Variants in CADM2 observed in about 807,000 individuals in gnomAD.
CADM2 encodes the protein cell adhesion molecule 2, also known as immunoglobulin superfamily member 4D.
In CADM2, 12 loss-of-function variants were observed where a neutral mutation model predicts 49.8. The observed-to-expected ratio is 0.24, with a 90% CI of 0.15 to 0.39. The LOEUF is 0.39. Ranked by LOEUF, CADM2 falls within the 10% of genes least tolerant of loss-of-function variation. The pLI, the probability that CADM2 is intolerant of heterozygous loss-of-function variation, is 1.00. For missense variants in CADM2, 378 were observed against 492.3 expected (o/e 0.77, Z 2.20); for synonymous variants, 214 against 175.4 (o/e 1.22, Z -1.74).
At chr3:85,793,811 A>G (rs1282361393) in intron 2 of CADM2, among the ~76,000 whole-genome samples, 1 of 152,222 alleles carries the variant, frequency 6.6e-6, no homozygotes, top group Non-Finnish European at 1.5e-5. Flanking sequence ...GTTTAGTCAG[A>G]ATTGAATTTA....
chr3:85,739,303 A>G (rs187361715), intron 2 of CADM2, among the ~76,000 whole-genome samples: 1 of 152,226 alleles, frequency 6.6e-6, no homozygotes, highest in African/African-American at 2.4e-5. Flanking sequence ...AATGTTTCAA[A>G]GTAGATTAGA....
intron 1 of CADM2, among the ~76,000 whole-genome samples, chr3:85,437,538 A>G (rs957450270): frequency 2.0e-5 from 3 of 152,070 alleles, no homozygotes; most frequent in African/African-American, 7.2e-5. Context: ...CTGGATTTTG[A>G]CCACTCTAAG....
chr3:85,248,568 G>T (rs373208677), intron 1 of CADM2, among the ~76,000 whole-genome samples: 1 of 152,058 alleles, frequency 6.6e-6, no homozygotes, highest in African/African-American at 2.4e-5. Flanking sequence ...GAGCAAACAC[G>T]CCCAGCCTAC....
chr3:85,014,832 G>T (rs13081745), intron 1 of CADM2, among the ~76,000 whole-genome samples: 110,706 of 151,948 alleles, frequency 0.73, 41,609 homozygotes, highest in African/African-American at 0.91. Flanking sequence ...ATGCTTTCGG[G>T]CACGCAAAAC....
intron 5 of CADM2, among the ~76,000 whole-genome samples, chr3:85,887,977 A>G (rs1443762217): frequency 6.6e-6 from 1 of 152,132 alleles, no homozygotes; most frequent in African/African-American, 2.4e-5. Context: ...CAGGCAGTGA[A>G]CTCTTACACG....
intron 1 of CADM2, among the ~76,000 whole-genome samples, chr3:85,320,269 T>A (rs768703737): frequency 6.6e-6 from 1 of 152,212 alleles, no homozygotes; most frequent in Non-Finnish European, 1.5e-5. Flanking sequence ...TCAACTGAGA[T>A]ACTTTGCTCT....
intron 3 of CADM2, among the ~76,000 whole-genome samples, chr3:85,868,762 C>T (rs1344850755): frequency 6.6e-6 from 1 of 152,096 alleles, no homozygotes; most frequent in Non-Finnish European, 1.5e-5. Context: ...TTTCCCTTCT[C>T]TTGTATGTAC....
chr3:86,044,500 A>T (rs1736386688), intron 8 of CADM2, among the ~76,000 whole-genome samples: 1 of 152,222 alleles, frequency 6.6e-6, no homozygotes, highest in African/African-American at 2.4e-5. Flanking sequence ...GCAAATCAAA[A>T]CCACAATGAG....
At chr3:85,467,403 A>G (rs925684604) in intron 1 of CADM2, among the ~76,000 whole-genome samples, 1 of 152,188 alleles carries the variant, frequency 6.6e-6, no homozygotes, top group Non-Finnish European at 1.5e-5. Flanking sequence ...ATAACATATT[A>G]TAATATGGAA....
At chr3:85,726,432 T>G (rs760738410) in intron 1 of CADM2, 90 bp from the exon 2 acceptor site, 1 of 1,362,004 alleles carries the variant, frequency 7.3e-7, no homozygotes. Context: ...TAGACTTTAA[T>G]AGCAATAACA....
intron 1 of CADM2, among the ~76,000 whole-genome samples, chr3:85,287,401 AC>A: frequency 6.6e-6 from 1 of 152,252 alleles, no homozygotes; most frequent in Admixed American, 6.5e-5. Flanking sequence ...GAACAGTCTT[AC>A]ATGGCTGAGT....
At chr3:85,393,097 A>AC (rs1553717612) in intron 1 of CADM2, among the ~76,000 whole-genome samples, 5 of 150,590 alleles carry the variant, frequency 3.3e-5, no homozygotes, top group East Asian at 3.9e-4. Flanking sequence ...TTTAAAAAAA[A>AC]AAAAAAGAAA....
chr3:85,832,543 CTAT>C (rs2108234002), intron 3 of CADM2, among the ~76,000 whole-genome samples: 1 of 151,830 alleles, frequency 6.6e-6, no homozygotes, highest in African/African-American at 2.4e-5. Flanking sequence ...TTGGTTAGAT[CTAT>C]TCCAAGGTAT....
chr3:85,388,354 CAAT>C (rs2034351065), intron 1 of CADM2, among the ~76,000 whole-genome samples: 1 of 152,154 alleles, frequency 6.6e-6, no homozygotes, highest in African/African-American at 2.4e-5. Context: ...GGATTCGTCA[CAAT>C]AATATGTTTG....
chr3:85,695,913 C>A (rs1436976413), intron 1 of CADM2, among the ~76,000 whole-genome samples: 6 of 152,060 alleles, frequency 3.9e-5, no homozygotes, highest in Admixed American at 2.6e-4. Flanking sequence ...ACAATGCCAA[C>A]ATCAATTTTT....
At chr3:85,150,781 T>C (rs573407542) in intron 1 of CADM2, among the ~76,000 whole-genome samples, 4 of 151,484 alleles carry the variant, frequency 2.6e-5, no homozygotes, top group Admixed American at 2.0e-4. Context: ...TGGTGGCAGG[T>C]GCCTGTAATC....
Position 85,487,802 on chromosome 3 carries a change from A to G in CADM2, c.62-238720A>G, listed in dbSNP as rs1186734436. Among the ~76,000 whole-genome samples, 3 of 151,796 alleles carry G rather than the reference A, an allele frequency of 2.0e-5. No homozygotes were observed. The South Asian group carries it at 6.2e-4, about 32-fold the overall frequency. On this transcript the variant is annotated intron_variant, in intron 1 of 9. Transcript: ENST00000383699. ...TGTGTGTGATGGGAATGAATAGATG[A>G]CACTGTCAGGAACCATGCATTTAAT...
chr3:85,818,169 G>A (rs988206886), intron 3 of CADM2, among the ~76,000 whole-genome samples: 7 of 152,108 alleles, frequency 4.6e-5, no homozygotes, highest in South Asian at 2.1e-4. Context: ...ACAACGAAAC[G>A]GAGATTTCTA....
rs1014097856 is a variant in CADM2 at position 85,694,177 on chromosome 3, A to G, written c.62-32345A>G. ...CAACAGTGAGTTAAAATAAAAATAC[A>G]ACAAACAAGTAAGTGTGTGTTAACA... On this transcript the variant is annotated intron_variant, in intron 1 of 9. Coordinates refer to ENST00000383699, the MANE Select transcript of CADM2 (RefSeq NM_001167675.2). Among the ~76,000 whole-genome samples the G allele has an allele frequency of 2.6e-5, 4 of 152,332 alleles. No homozygotes were observed. The East Asian group carries it at 7.7e-4, about 29-fold the overall frequency.
Sources: allele counts gnomAD v4.1 joint callset (sites outside exome capture counted in the v4.1 genomes callset), GRCh38; gene constraint gnomAD v4.1.1; transcripts MANE v1.5; gene names NCBI Gene and HGNC (gene_info 2026-07-23, HGNC 2026-07-21).